The following ZFTRAF1 variants were observed in gnomAD, a reference collection of about 807,000 sequenced individuals.
ZFTRAF1 encodes zinc finger TRAF-type-containing protein 1.
chr8:144,459,937 G>A, the ZFTRAF1 span, among the ~76,000 whole-genome samples: 3 of 152,248 alleles, frequency 2.0e-5, no homozygotes, highest in Admixed American at 6.5e-5. Context: ...AGGAAAGCTA[G>A]TAGAATATGG....
At chr8:144,460,742 G>A in the ZFTRAF1 span, among the ~76,000 whole-genome samples, 5 of 152,206 alleles carry the variant, frequency 3.3e-5, no homozygotes, top group Non-Finnish European at 7.3e-5. Context: ...AAACAGCCGG[G>A]CATGGTGGCA....
At chr8:144,453,584 C>T in the ZFTRAF1 span, 16 of 835,834 alleles carry the variant, frequency 1.9e-5, no homozygotes, top group East Asian at 2.7e-5. Flanking sequence ...GAGGGGCGCA[C>T]GTGCCTGTCC....
At chr8:144,458,987 CT>C in the ZFTRAF1 span, among the ~76,000 whole-genome samples, 1 of 152,270 alleles carries the variant, frequency 6.6e-6, no homozygotes, top group Non-Finnish European at 1.5e-5. Flanking sequence ...CAGTCCCTTC[CT>C]CCAGGTGCCA....
chr8:144,450,532 C>G, the ZFTRAF1 span: 1 of 718,368 alleles, frequency 1.4e-6, no homozygotes, highest in Non-Finnish European at 2.6e-6. Context: ...CGGGGCTGAT[C>G]CTCACGTCGT....
chr8:144,455,500 A>C, the ZFTRAF1 span: 1 of 152,110 alleles, frequency 6.6e-6, no homozygotes, highest in Non-Finnish European at 1.5e-5. Flanking sequence ...GATGCTATTG[A>C]AGCAGCTGTC....
chr8:144,450,300 A>C, the ZFTRAF1 span: 1 of 662,492 alleles, frequency 1.5e-6, no homozygotes, highest in Non-Finnish European at 2.8e-6. Flanking sequence ...AGTCCTGTGA[A>C]GCAGCTGCCA....
chr8:144,450,256 C>G, the ZFTRAF1 span: 25 of 619,574 alleles, frequency 4.0e-5, 1 homozygote, highest in Non-Finnish European at 6.1e-5. Context: ...GTGTTGGCTT[C>G]GTTTGTTCTC....
At chr8:144,449,878 G>GC in the ZFTRAF1 span, 2 of 172,212 alleles carry the variant, frequency 1.2e-5, no homozygotes, top group Non-Finnish European at 2.6e-5. Context: ...CCAAACCAAA[G>GC]CCCCCACGCT....
the ZFTRAF1 span, chr8:144,452,614 G>A: frequency 6.6e-7 from 1 of 1,509,938 alleles, no homozygotes; most frequent in Non-Finnish European, 8.9e-7. Flanking sequence ...GCCCCGAACA[G>A]GAGGCTGCAA....
chr8:144,453,446 G>A, the ZFTRAF1 span: 2 of 1,551,014 alleles, frequency 1.3e-6, no homozygotes, highest in Non-Finnish European at 1.7e-6. Flanking sequence ...CGCACATCAA[G>A]TGACCATTAG....
At chr8:144,459,123 C>T in the ZFTRAF1 span, among the ~76,000 whole-genome samples, 1 of 152,244 alleles carries the variant, frequency 6.6e-6, no homozygotes, top group Non-Finnish European at 1.5e-5. Context: ...AGGGATGAGG[C>T]TGCGGCTGCA....
At chr8:144,461,350 G>C in the ZFTRAF1 span, among the ~76,000 whole-genome samples, 1 of 152,198 alleles carries the variant, frequency 6.6e-6, no homozygotes, top group African/African-American at 2.4e-5. Flanking sequence ...TTGAAAGAGA[G>C]GGAAAGACAC....
At chr8:144,459,816 A>C in the ZFTRAF1 span, among the ~76,000 whole-genome samples, 1 of 152,178 alleles carries the variant, frequency 6.6e-6, no homozygotes, top group Non-Finnish European at 1.5e-5. Flanking sequence ...GCCCACCCTG[A>C]GCCATGTGTT....
At chr8:144,458,067 C>A in the ZFTRAF1 span, 1 of 152,454 alleles carries the variant, frequency 6.6e-6, no homozygotes, top group East Asian at 1.9e-4. Flanking sequence ...TCAGGGCACA[C>A]CCCATGCACC....
the ZFTRAF1 span, chr8:144,450,347 C>A: frequency 7.1e-6 from 5 of 703,420 alleles, no homozygotes; most frequent in South Asian, 3.0e-5. Context: ...GGATGCCGCC[C>A]GTGGGCTCCT....
chr8:144,450,887 C>T, the ZFTRAF1 span: 8 of 600,488 alleles, frequency 1.3e-5, no homozygotes, highest in African/African-American at 5.6e-5. Flanking sequence ...GCAACTTACC[C>T]GGACACCGGG....
At chr8:144,461,307 G>C in the ZFTRAF1 span, among the ~76,000 whole-genome samples, 1 of 152,234 alleles carries the variant, frequency 6.6e-6, no homozygotes, top group Non-Finnish European at 1.5e-5. Context: ...AGCTGACAGA[G>C]AACCTGCTTC....
At chr8:144,452,255 C>T in the ZFTRAF1 span, 25 of 1,292,588 alleles carry the variant, frequency 1.9e-5, no homozygotes, top group African/African-American at 2.9e-5. Flanking sequence ...GGCTGTCCGG[C>T]GCTGTCAGTG....
chr8:144,451,939 A>G, the ZFTRAF1 span: 1 of 276,702 alleles, frequency 3.6e-6, no homozygotes, highest in East Asian at 8.9e-5. Flanking sequence ...TGCAGGTAGG[A>G]CCTCACTCGG....
Sources: allele counts gnomAD v4.1 joint callset (sites outside exome capture counted in the v4.1 genomes callset), GRCh38; gene constraint gnomAD v4.1.1; transcripts MANE v1.5; gene names NCBI Gene and HGNC (gene_info 2026-07-23, HGNC 2026-07-21).